The following MAGI2 variants were observed in gnomAD, a reference collection of about 807,000 sequenced individuals.
MAGI2 encodes membrane-associated guanylate kinase, WW and PDZ domain-containing protein 2.
In MAGI2, 35 loss-of-function variants were observed where a neutral mutation model predicts 133.3. The observed-to-expected ratio is 0.26, with a 90% confidence interval of 0.20 to 0.35. The LOEUF (loss-of-function observed/expected upper bound fraction) is 0.35. Among genes scored for constraint, MAGI2 ranks in the 10% least tolerant of loss-of-function variants. The pLI is 1.00. For missense variants in MAGI2, 1,636 were observed against 1,863.4 expected (o/e 0.88, Z 2.25); for synonymous variants, 729 against 710.6 (o/e 1.03, Z -0.41).
intron 2 of MAGI2, among the ~76,000 whole-genome samples, chr7:78,776,692 G>A (rs1477755095): frequency 1.3e-5 from 2 of 152,112 alleles, no homozygotes; most frequent in East Asian, 3.8e-4. Flanking sequence ...TGTAGATAGG[G>A]TATTGTGCTC....
chr7:78,643,023 G>C (rs1168534965), intron 2 of MAGI2, among the ~76,000 whole-genome samples: 1 of 152,190 alleles, frequency 6.6e-6, no homozygotes, highest in Non-Finnish European at 1.5e-5. Flanking sequence ...TGCCAGGAAA[G>C]AATAATGAAA....
At chr7:79,383,327 G>A (rs890377482) in intron 1 of MAGI2, among the ~76,000 whole-genome samples, 3 of 151,426 alleles carry the variant, frequency 2.0e-5, no homozygotes, top group African/African-American at 4.8e-5. Flanking sequence ...CTTATTTATT[G>A]AACCTAGAAT....
At chr7:79,451,823 C>A (rs1849277450) in intron 1 of MAGI2, among the ~76,000 whole-genome samples, 2 of 152,126 alleles carry the variant, frequency 1.3e-5, no homozygotes, top group Non-Finnish European at 2.9e-5. Flanking sequence ...TGCTAATATG[C>A]CTGTGACGCA....
At chr7:78,076,983 C>G (rs994137697) in intron 21 of MAGI2, among the ~76,000 whole-genome samples, 8 of 149,292 alleles carry the variant, frequency 5.4e-5, no homozygotes, top group African/African-American at 2.0e-4. Context: ...CACATTTGTT[C>G]ATTACAGTTT....
chr7:79,264,755 C>G (rs899183383), intron 1 of MAGI2, among the ~76,000 whole-genome samples: 5 of 151,764 alleles, frequency 3.3e-5, no homozygotes, highest in South Asian at 4.2e-4. Flanking sequence ...ACATCAGAAC[C>G]TGGTTGAGGA....
intron 15 of MAGI2, among the ~76,000 whole-genome samples, chr7:78,163,458 G>T (rs1409819238): frequency 6.6e-6 from 1 of 152,080 alleles, no homozygotes; most frequent in Non-Finnish European, 1.5e-5. Flanking sequence ...AGTTTTTAGG[G>T]TAAGCTGTTT....
intron 1 of MAGI2, among the ~76,000 whole-genome samples, chr7:79,211,823 T>C (rs1010087488): frequency 1.3e-5 from 2 of 151,936 alleles, no homozygotes; most frequent in African/African-American, 4.8e-5. Context: ...TAACAGAGGG[T>C]AAAACGGCTT....
chr7:79,214,613 T>C (rs1174738073), intron 1 of MAGI2, among the ~76,000 whole-genome samples: 2 of 139,822 alleles, frequency 1.4e-5, no homozygotes, highest in African/African-American at 2.6e-5. Context: ...AAAAGAAAAA[T>C]TTATATAAAT....
At chr7:78,667,913 G>T (rs560564095) in intron 2 of MAGI2, among the ~76,000 whole-genome samples, 3 of 152,242 alleles carry the variant, frequency 2.0e-5, no homozygotes, top group African/African-American at 4.8e-5. Context: ...CCCAGTAATG[G>T]GATGGCTGGG....
At chr7:78,627,653 C>T (rs772796022) in intron 2 of MAGI2, among the ~76,000 whole-genome samples, 7 of 152,188 alleles carry the variant, frequency 4.6e-5, no homozygotes, top group South Asian at 2.1e-4. Context: ...TGGAAAGTAG[C>T]GATCTTAGGA....
At chr7:78,931,705 A>G (rs1255093757) in intron 2 of MAGI2, among the ~76,000 whole-genome samples, 2 of 152,170 alleles carry the variant, frequency 1.3e-5, no homozygotes, top group African/African-American at 2.4e-5. Context: ...GATGTGGCAG[A>G]AAGATTAAAA....
intron 2 of MAGI2, among the ~76,000 whole-genome samples, chr7:78,985,946 A>G (rs866191124): frequency 1.3e-5 from 2 of 152,098 alleles, no homozygotes; most frequent in African/African-American, 4.8e-5. Context: ...AGAAGATTCC[A>G]GGTAATGCTT....
At chr7:78,897,081 G>T (rs142296524) in intron 2 of MAGI2, among the ~76,000 whole-genome samples, 4 of 152,242 alleles carry the variant, frequency 2.6e-5, no homozygotes, top group African/African-American at 9.6e-5. Flanking sequence ...TGATATAAGT[G>T]AGCCAAAATA....
chr7:78,193,192 C>A (rs1828400795), intron 12 of MAGI2, among the ~76,000 whole-genome samples: 1 of 152,132 alleles, frequency 6.6e-6, no homozygotes, highest in Admixed American at 6.5e-5. Flanking sequence ...TTGTTTTTGT[C>A]CTGAATCACA....
At chr7:79,401,275 A>T (rs549503968) in intron 1 of MAGI2, among the ~76,000 whole-genome samples, 7 of 152,344 alleles carry the variant, frequency 4.6e-5, no homozygotes, top group African/African-American at 1.4e-4. Flanking sequence ...TACACAAATC[A>T]GTTCTCAAGT....
chr7:78,554,004 A>T (rs918432437), intron 3 of MAGI2, among the ~76,000 whole-genome samples: 1 of 152,158 alleles, frequency 6.6e-6, no homozygotes, highest in Non-Finnish European at 1.5e-5. Flanking sequence ...TCTGTTGGTT[A>T]TATGTATTTT....
intron 1 of MAGI2, among the ~76,000 whole-genome samples, chr7:79,117,173 G>A (rs1819479892): frequency 6.6e-6 from 1 of 152,034 alleles, no homozygotes; most frequent in Non-Finnish European, 1.5e-5. Context: ...AGTGTTTAAT[G>A]GAAATTTAAA....
intron 6 of MAGI2, among the ~76,000 whole-genome samples, chr7:78,406,810 C>T (rs182421573): frequency 8.9e-4 from 135 of 152,142 alleles, no homozygotes; most frequent in African/African-American, 2.8e-3. Context: ...CTAACATAAA[C>T]ATCTGGAAGA....
intron 3 of MAGI2, among the ~76,000 whole-genome samples, chr7:78,569,751 CAT>C (rs1025214569): frequency 1.2e-4 from 19 of 152,252 alleles, no homozygotes; most frequent in African/African-American, 3.4e-4. Context: ...CACATGAAAA[CAT>C]AGAATTTTAT....
Sources: gnomAD v4.1 joint callset for allele counts (sites outside exome capture counted in the v4.1 genomes callset) on GRCh38, gnomAD v4.1.1 for gene constraint, MANE v1.5 for transcripts, NCBI Gene and HGNC (gene_info 2026-07-23, HGNC 2026-07-21) for gene names.